FXR2: variants seen among roughly 807,000 people sequenced by gnomAD.
FXR2 encodes FMR1 autosomal homolog 2.
FXR2 carries 9 observed loss-of-function variants against 87.3 expected under a neutral mutation model. The ratio of observed to expected loss-of-function variants is 0.10; its 90% CI spans 0.06 to 0.18. The LOEUF is 0.18. FXR2 is among the 10% of genes least tolerant of loss of function. The pLI is 1.00. For synonymous variants in FXR2, 331 were observed against 328.3 expected (o/e 1.01, Z -0.09); for missense variants, 661 against 893.6 (o/e 0.74, Z 3.32).
At chr17:7,608,443 A>T (rs961314315) in intron 1 of FXR2, among the ~76,000 whole-genome samples, 2 of 141,528 alleles carry the variant, frequency 1.4e-5, no homozygotes, top group South Asian at 4.6e-4. Flanking sequence ...AAAAAAAAAA[A>T]ATAATAATAA....
Position 7,614,518 on chromosome 17 carries a change from G to A in FXR2, c.15C>T (p.Ala5=), listed in dbSNP as rs766627522. 1 of 1,500,260 alleles carries A rather than the reference G, an allele frequency of 6.7e-7. No homozygotes were observed. Among genetic ancestry groups the A allele is most frequent in the Non-Finnish European group, 8.9e-7 (1 of 1,127,300 alleles). The allele number at this position is 1,500,260 out of a possible 1,614,324, so 92.9% of individuals were successfully genotyped here. A position where few individuals can be genotyped will look rare whatever the true frequency, so the allele number is the denominator to read the frequency against. MGGL[A]SGGDVEPGLP... The stretch of plus-strand genomic sequence containing the variant: ...GTCCCGGCTCCACATCCCCCCCAGA[G>A]GCCAGGCCGCCCATGGCGCCGCCAC... Residue 5 remains alanine (A), a synonymous_variant, in exon 1 of 17, where the codon GCC becomes GCT. Transcript: ENST00000250113.
In FXR2 at chr17:7,594,125, T is replaced by C; in HGVS notation, c.1020+113A>G. Reference sequence around the variant, plus strand: ...TCATTCTGGGCTCTAAATCTACTAGTGTTAAACAACTTTCCGTACTCCACC... The same window carrying C: ...TCATTCTGGGCTCTAAATCTACTAGCGTTAAACAACTTTCCGTACTCCACC... On this transcript the variant is annotated intron_variant, in intron 10 of 16. Transcript: ENST00000250113. This position sits in a 1 kb window ranked among gnomAD's most constrained non-coding sequence, Gnocchi z 5.1. The C allele has an allele frequency of 1.1e-6, 1 of 892,072 alleles. No homozygotes were observed. Among genetic ancestry groups the C allele is most frequent in the South Asian group, 1.4e-5 (1 of 72,904 alleles). 55.3% of individuals were successfully genotyped at this position (892,072 alleles called of 1,614,324 possible).
Position 7,592,078 on chromosome 17 carries a change from C to G in FXR2, c.1927-153G>C, listed in dbSNP as rs1597869820. ...TGATCCAGTCTCTCTTACTTGGGATCCAGAAAATGTGAACCACACTTTCTT... is the reference window on the plus strand; with the variant it reads ...TGATCCAGTCTCTCTTACTTGGGATGCAGAAAATGTGAACCACACTTTCTT... On this transcript the variant is annotated intron_variant, in intron 16 of 16. Coordinates refer to ENST00000250113, the MANE Select transcript of FXR2 (RefSeq NM_004860.4). This position sits in a 1 kb window ranked among gnomAD's most constrained non-coding sequence, Gnocchi z 4.8. 13 of 1,441,672 alleles carry G rather than the reference C, an allele frequency of 9.0e-6. No individual in the cohort carries two copies. In the East Asian group the frequency reaches 3.2e-4, roughly 36 times the overall value. 89.3% of individuals were successfully genotyped at this position (1,441,672 alleles called of 1,614,324 possible).
intron 3 of FXR2, among the ~76,000 whole-genome samples, chr17:7,605,438 A>G (rs2071795194): frequency 1.3e-5 from 2 of 152,204 alleles, no homozygotes; most frequent in Non-Finnish European, 2.9e-5. Context: ...CCATAAATGG[A>G]AGGCAAATCG....
chr17:7,608,365 G>A (rs1234544456), intron 1 of FXR2, among the ~76,000 whole-genome samples: 1 of 151,040 alleles, frequency 6.6e-6, no homozygotes. Context: ...GCCGAGGCTG[G>A]CAGATCAGCT....
Position 7,595,836 on chromosome 17 carries a change from G to A in FXR2, c.819C>T (p.Arg273=), listed in dbSNP as rs116755952. ...ATCCTTTGCTGACCTCCCCATAGAT[G>A]CGGAAAGTGCAGGTCTCTTCACCCA... is the stretch of plus-strand genomic sequence containing the variant. ...IELGEETCTF[R]IYGETPEACR... is the part of the protein sequence containing the mutation. Residue 273 remains arginine (R), a synonymous_variant, in exon 8 of 17, where the codon CGC becomes CGT. Transcript: ENST00000250113. The surrounding 1 kb of genome is among the most constrained non-coding windows in gnomAD (Gnocchi z 4.7). 280 of 1,613,568 alleles carry A rather than the reference G, an allele frequency of 1.7e-4. 2 individuals are homozygous for A. In the African/African-American group the frequency reaches 3.2e-3, roughly 18 times the overall value.
intron 7 of FXR2, among the ~76,000 whole-genome samples, chr17:7,600,693 G>A (rs995264755): frequency 1.3e-5 from 2 of 152,134 alleles, no homozygotes; most frequent in African/African-American, 4.8e-5. Context: ...AGACCAGCCT[G>A]GTCAACATGG....
Position 7,592,697 on chromosome 17 carries a change from G to C in FXR2, c.1726C>G (p.Leu576Val). The change falls in exon 14 of 17, where the codon CTG (leucine) becomes GTG (valine). Residue 576 changes from leucine (L) to valine (V), a missense_variant. Transcript: ENST00000250113. The surrounding 1 kb of genome is among the most constrained non-coding windows in gnomAD (Gnocchi z 4.8). ...SDGPNMTENG[L>V]EDESRPQRRN... ...CAGACCCCAGGCACACCCTCACCCA[G>C]GCCATTCTCTGTCATGTTGGGCCCA... is the stretch of plus-strand genomic sequence containing the variant. The C allele has an allele frequency of 1.2e-6, 2 of 1,613,436 alleles. No homozygotes were observed. Among genetic ancestry groups the C allele is most frequent in the Non-Finnish European group, 1.7e-6 (2 of 1,179,672 alleles).
Position 7,591,801 on chromosome 17 carries a change from G to A in FXR2, c.*29C>T, listed in dbSNP as rs750555216. 5.2e-6 allele frequency: 6 copies of A among 1,154,146 alleles called. No homozygotes were observed. The highest frequency in any genetic ancestry group is 5.1e-5 in the Admixed American group (3 of 59,090). 71.5% of individuals were successfully genotyped at this position (1,154,146 alleles called of 1,614,324 possible). A position where few individuals can be genotyped will look rare whatever the true frequency, so the allele number is the denominator to read the frequency against. On this transcript the variant is annotated 3_prime_UTR_variant, in exon 17 of 17. Transcript: ENST00000250113. The surrounding 1 kb of genome is among the most constrained non-coding windows in gnomAD (Gnocchi z 4.0). ...CATGGTGTTGGGCAGCAAGCGAGAT[G>A]GAGAAGGGAGGGGTGCAGGTTGGAG...
intron 5 of FXR2, 67 bp downstream of exon 5, chr17:7,603,690 G>T: frequency 1.3e-6 from 2 of 1,503,402 alleles, no homozygotes; most frequent in Admixed American, 1.7e-5. Context: ...AGTGATGCCT[G>T]GGAGAAATAA....
Position 7,591,441 on chromosome 17 carries a change from A to C in FXR2, c.*389T>G. Reference sequence around the variant, plus strand: ...CTTCCACAGTGATGAGGCCCCAGAAATGGGGGGTACAGGATGGGAGGAGGG... The same window carrying C: ...CTTCCACAGTGATGAGGCCCCAGAACTGGGGGGTACAGGATGGGAGGAGGG... On this transcript the variant is annotated 3_prime_UTR_variant, in exon 17 of 17. Coordinates refer to ENST00000250113, the MANE Select transcript of FXR2 (RefSeq NM_004860.4). This position sits in a 1 kb window ranked among gnomAD's most constrained non-coding sequence, Gnocchi z 4.0. 1 of 224,466 alleles carries C rather than the reference A, an allele frequency of 4.5e-6. No individual in the cohort carries two copies. The highest frequency in any genetic ancestry group is 9.1e-6 in the Non-Finnish European group (1 of 110,340). The allele number at this position is 224,466 out of a possible 1,614,324, so 13.9% of individuals were successfully genotyped here. A position where few individuals can be genotyped will look rare whatever the true frequency, so the allele number is the denominator to read the frequency against.
chr17:7,593,372 T>C lies in FXR2; in HGVS notation c.1330+31A>G, dbSNP rs759661963. ...TGCCTCTACCCACAAGCCCTGCCACTCCTTGCCTCCTGTTCCCATAACTGT... is the reference window on the plus strand; with the variant it reads ...TGCCTCTACCCACAAGCCCTGCCACCCCTTGCCTCCTGTTCCCATAACTGT... On this transcript the variant is annotated intron_variant, in intron 12 of 16. Transcript: ENST00000250113. This position sits in a 1 kb window ranked among gnomAD's most constrained non-coding sequence, Gnocchi z 6.1. The C allele has an allele frequency of 6.7e-7, 1 of 1,499,650 alleles. No individual in the cohort carries two copies. The highest frequency in any genetic ancestry group is 1.4e-5 in the African/African-American group (1 of 72,284). The allele number at this position is 1,499,650 out of a possible 1,614,324, so 92.9% of individuals were successfully genotyped here. A position where few individuals can be genotyped will look rare whatever the true frequency, so the allele number is the denominator to read the frequency against.
rs749919687 is a variant in FXR2 at position 7,592,409 on chromosome 17, G to C, written c.1826-55C>G. ...GATGGAATTCTGGTAGCCAGCCTAA[G>C]ACACCCACTGAACCCGAACCCCTGA... On this transcript the variant is annotated intron_variant, in intron 15 of 16. Coordinates refer to ENST00000250113, the MANE Select transcript of FXR2 (RefSeq NM_004860.4). This position sits in a 1 kb window ranked among gnomAD's most constrained non-coding sequence, Gnocchi z 4.8. 12 of 1,532,328 alleles carry C rather than the reference G, an allele frequency of 7.8e-6. No homozygotes were observed. The highest frequency in any genetic ancestry group is 1.4e-5 in the African/African-American group (1 of 73,258). 94.9% of individuals were successfully genotyped at this position (1,532,328 alleles called of 1,614,324 possible).
At position 7,614,850 on chromosome 17, in the gene FXR2, G is replaced by A. The variant is rs2071935151; in HGVS notation, c.-318C>T. 1.2e-5 allele frequency: 2 copies of A among 163,366 alleles called. No homozygotes were observed. Among genetic ancestry groups the A allele is most frequent in the African/African-American group, 4.8e-5 (2 of 41,560 alleles). 10.1% of individuals were successfully genotyped at this position (163,366 alleles called of 1,614,324 possible). On this transcript the variant is annotated 5_prime_UTR_variant, in exon 1 of 17. Transcript: ENST00000250113. ...CTCAGTCCCGGGACCCGCTGCTGCCGCTGCCGCTCCACAGCCTCCACCTCC... is the reference window on the plus strand; with the variant it reads ...CTCAGTCCCGGGACCCGCTGCTGCCACTGCCGCTCCACAGCCTCCACCTCC...
Position 7,614,677 on chromosome 17 carries a change from C to T in FXR2, c.-145G>A. ...GGAGCCGGGCCGGCCCCACGGCGGCCCTGCCACAGCCAACGAGCAGGGGGC... is the reference window on the plus strand; with the variant it reads ...GGAGCCGGGCCGGCCCCACGGCGGCTCTGCCACAGCCAACGAGCAGGGGGC... On this transcript the variant is annotated 5_prime_UTR_variant, in exon 1 of 17. Coordinates refer to ENST00000250113, the MANE Select transcript of FXR2 (RefSeq NM_004860.4). 2.8e-6 allele frequency: 1 copy of T among 362,004 alleles called. No homozygotes were observed. The highest frequency in any genetic ancestry group is 4.8e-6 in the Non-Finnish European group (1 of 209,410). The allele number at this position is 362,004 out of a possible 1,614,324, so 22.4% of individuals were successfully genotyped here.
intron 1 of FXR2, among the ~76,000 whole-genome samples, chr17:7,610,040 A>G (rs1306531970): frequency 4.5e-4 from 35 of 78,298 alleles, no homozygotes; most frequent in African/African-American, 1.5e-3. Flanking sequence ...ACATGTATGT[A>G]TATATATACA....
chr17:7,610,839 T>C lies in FXR2; in HGVS notation c.81+3613A>G, dbSNP rs2071857749. On this transcript the variant is annotated intron_variant, in intron 1 of 16. Coordinates refer to ENST00000250113, the MANE Select transcript of FXR2 (RefSeq NM_004860.4). ...GGCCATAGCATCACCTGGCTTTGGC[T>C]TCTGGAGCCTGGCACCAAGCCAGCA... Among the ~76,000 whole-genome samples, 3 of 152,208 alleles carry C rather than the reference T, an allele frequency of 2.0e-5. No individual in the cohort carries two copies. In the South Asian group the frequency reaches 6.2e-4, roughly 31 times the overall value.
At chr17:7,610,331 T>A (rs1597881746) in intron 1 of FXR2, among the ~76,000 whole-genome samples, 1 of 152,120 alleles carries the variant, frequency 6.6e-6, no homozygotes, top group South Asian at 2.1e-4. Flanking sequence ...AATCACTAAT[T>A]TACTGCTTTT....
intron 7 of FXR2, among the ~76,000 whole-genome samples, chr17:7,599,064 G>A (rs1273770107): frequency 6.6e-6 from 1 of 151,926 alleles, no homozygotes; most frequent in Non-Finnish European, 1.5e-5. Context: ...TTGAACCCAG[G>A]AGCGAGAGGT....
Sources: gnomAD v4.1 joint callset for allele counts (sites outside exome capture counted in the v4.1 genomes callset) on GRCh38, gnomAD v4.1.1 for gene constraint, Gnocchi (gnomAD v3.1) non-coding constraint, MANE v1.5 for transcripts, NCBI Gene and HGNC (gene_info 2026-07-23, HGNC 2026-07-21) for gene names.